Variants in TG observed in about 807,000 individuals in gnomAD.
The protein encoded by TG is thyroglobulin.
TG carries 270 observed loss-of-function variants against 324.7 expected under a neutral mutation model. The observed-to-expected ratio is 0.83, with a 90% confidence interval of 0.75 to 0.92. The LOEUF (loss-of-function observed/expected upper bound fraction) is 0.92, where lower values mean the gene tolerates loss of function less well. Among genes scored for constraint, TG ranks in the 40% least tolerant of loss-of-function variants. The probability of loss-of-function intolerance (pLI) is 0.00; values close to 1 mark genes in which losing one functional copy is unlikely to be tolerated. For missense variants in TG, 3,591 were observed against 3,456.4 expected (o/e 1.04, Z -0.98); for synonymous variants, 1,401 against 1,327.0 (o/e 1.06, Z -1.21).
intron 44 of TG, 113 bp downstream of exon 44, chr8:133,113,716 T>C (rs945961686): frequency 2.5e-6 from 3 of 1,208,286 alleles, no homozygotes; most frequent in Non-Finnish European, 3.5e-6. Context: ...TGCTTGAGGT[T>C]TCCTCTGCAT....
In TG at chr8:132,913,107, C is replaced by A; in HGVS notation, c.4220C>A (p.Ser1407Ter). Residue 1407 changes from serine to a stop codon, truncating the protein, a stop_gained, in exon 20 of 48, where the codon TCA becomes TAA. Coordinates refer to ENST00000220616, the MANE Select transcript of TG (RefSeq NM_003235.5). LOFTEE classifies it high-confidence loss of function. ...TTCACAGATCTGATCCAGAGTGGCT[C>A]ATTCCAGCTTCATCTGGACTCCAAG... ...GRFTDLIQSG[S>*]FQLHLDSKTF... 6.2e-7 allele frequency: 1 copy of A among 1,614,234 alleles called. No individual in the cohort carries two copies. Among genetic ancestry groups the A allele is most frequent in the South Asian group, 1.1e-5 (1 of 91,088 alleles).
At chr8:132,874,506 G>T (rs547168722) in intron 5 of TG, among the ~76,000 whole-genome samples, 1 of 152,164 alleles carries the variant, frequency 6.6e-6, no homozygotes, top group African/African-American at 2.4e-5. Context: ...AGACTGATAT[G>T]AATTCTCTTG....
At position 132,882,957 on chromosome 8, in the gene TG, G is replaced by A. The variant is rs1049761427; in HGVS notation, c.1033G>A (p.Glu345Lys). The change falls in exon 8 of 48, where the codon GAA becomes AAA. Residue 345 changes from glutamate (E) to lysine (K), a missense_variant. Coordinates refer to ENST00000220616, the MANE Select transcript of TG (RefSeq NM_003235.5). ...PCWCVDAQGK[E>K]MHGTRQQGEP... The stretch of plus-strand genomic sequence containing the variant: ...CTGGTGTGTGGACGCCCAGGGGAAG[G>A]AAATGCATGGAACCCGGCAGCAAGG... 1 of 1,614,122 alleles carries A rather than the reference G, an allele frequency of 6.2e-7. No homozygotes were observed. The highest frequency in any genetic ancestry group is 1.3e-5 in the African/African-American group (1 of 75,048).
chr8:132,973,648 A>G (rs1398848614), intron 34 of TG, among the ~76,000 whole-genome samples: 1 of 152,210 alleles, frequency 6.6e-6, no homozygotes, highest in Non-Finnish European at 1.5e-5. Flanking sequence ...CACCGCTTAC[A>G]TCACATGTGT....
intron 13 of TG, among the ~76,000 whole-genome samples, chr8:132,898,500 C>T (rs1479646559): frequency 2.0e-5 from 3 of 152,200 alleles, no homozygotes; most frequent in African/African-American, 4.8e-5. Context: ...TGGTTCTCCC[C>T]CTCTGTACAT....
chr8:132,998,137 T>A (rs909090967), intron 35 of TG, among the ~76,000 whole-genome samples: 3 of 152,052 alleles, frequency 2.0e-5, no homozygotes, highest in Non-Finnish European at 4.4e-5. Context: ...TGACTTCCAA[T>A]GGACACCCTT....
intron 41 of TG, among the ~76,000 whole-genome samples, chr8:133,072,562 T>C (rs1005387598): frequency 1.3e-5 from 2 of 152,212 alleles, no homozygotes; most frequent in Non-Finnish European, 1.5e-5. Flanking sequence ...GAAGTTTTGA[T>C]GGGAACTTTA....
At chr8:133,111,576 C>A (rs1018696165) in intron 43 of TG, among the ~76,000 whole-genome samples, 4 of 152,096 alleles carry the variant, frequency 2.6e-5, no homozygotes, top group Admixed American at 2.6e-4. Context: ...ATTTTTTGAA[C>A]AGACTAGACT....
intron 41 of TG, among the ~76,000 whole-genome samples, chr8:133,035,742 T>A (rs543511911): frequency 3.9e-5 from 6 of 152,202 alleles, no homozygotes; most frequent in Non-Finnish European, 8.8e-5. Flanking sequence ...GCACCACAGG[T>A]TTTCCTTTTG....
chr8:133,112,420 C>T (rs1349369807), intron 43 of TG, among the ~76,000 whole-genome samples: 1 of 152,168 alleles, frequency 6.6e-6, no homozygotes, highest in African/African-American at 2.4e-5. Flanking sequence ...TGCCCATTGT[C>T]TTCAGAAAGG....
intron 11 of TG, 40 bp from the exon 12 acceptor site, chr8:132,897,609 C>A: frequency 6.2e-7 from 1 of 1,613,620 alleles, no homozygotes; most frequent in Non-Finnish European, 8.5e-7. Context: ...CCACACAGAG[C>A]AGGTGGTCAT....
At chr8:132,996,792 G>A (rs1237704151) in intron 35 of TG, among the ~76,000 whole-genome samples, 5 of 152,262 alleles carry the variant, frequency 3.3e-5, no homozygotes, top group Admixed American at 2.0e-4. Context: ...TTTAAGGGAT[G>A]ATATGAATTT....
chr8:132,994,057 A>G lies in TG; in HGVS notation c.6262+10645A>G, dbSNP rs376172109. ...CTTTCTCTATAATTCCCCTCTGCCC[A>G]CTCTGGGTAACTCCTGACTACATGC... On this transcript the variant is annotated intron_variant, in intron 35 of 47. Coordinates refer to ENST00000220616, the MANE Select transcript of TG (RefSeq NM_003235.5). Among the ~76,000 whole-genome samples, 4 of 151,668 alleles carry G rather than the reference A, an allele frequency of 2.6e-5. 1 individual carries two copies. The highest frequency in any genetic ancestry group is 9.7e-5 in the African/African-American group (4 of 41,320).
intron 40 of TG, among the ~76,000 whole-genome samples, chr8:133,024,396 CT>C (rs1185137057): frequency 1.4e-5 from 1 of 68,970 alleles, no homozygotes. Flanking sequence ...CTTTCTTTTT[CT>C]TTTTTTAATT....
rs140586380 is a variant in TG, at chr8:133,035,081, G to A, written c.7239+5058G>A. The stretch of plus-strand genomic sequence containing the variant: ...TATTGTTATCTTCTACCTTCTTCCC[G>A]TTTCCTTGGTTATCTATTGTTCCTT... On this transcript the variant is annotated intron_variant, in intron 41 of 47. Transcript: ENST00000220616. Among the ~76,000 whole-genome samples, 564 of 152,134 alleles carry A rather than the reference G, an allele frequency of 3.7e-3. 4 individuals are homozygous for A. Among genetic ancestry groups the A allele is most frequent in the African/African-American group, 0.012 (515 of 41,494 alleles).
chr8:132,888,216 A>C lies in TG; in HGVS notation c.2409A>C (p.Leu803=). 1 of 1,614,228 alleles carries C rather than the reference A, an allele frequency of 6.2e-7. No individual in the cohort carries two copies. Among genetic ancestry groups the C allele is most frequent in the Non-Finnish European group, 8.5e-7 (1 of 1,180,040 alleles). Residue 803 remains leucine, a synonymous_variant, in exon 10 of 48, where the codon CTA becomes CTC. Transcript: ENST00000220616. The part of the protein sequence containing the change: ...KGQDLTPAKL[L]VKIMSYREAA... ...AGGATCTGACGCCTGCCAAGCTGCT[A>C]GTGAAGATCATGAGCTACAGAGAAG...
At chr8:133,032,445 A>G (rs1231125721) in intron 41 of TG, among the ~76,000 whole-genome samples, 2 of 152,224 alleles carry the variant, frequency 1.3e-5, no homozygotes, top group Non-Finnish European at 2.9e-5. Context: ...TGGGCTCAGA[A>G]AGCAGATTTT....
chr8:132,868,492 C>A (rs1839179771), intron 2 of TG, among the ~76,000 whole-genome samples: 1 of 152,198 alleles, frequency 6.6e-6, no homozygotes, highest in South Asian at 2.1e-4. Context: ...TCTCTTCTTG[C>A]CATCACTTTT....
chr8:132,893,845 C>G lies in TG; in HGVS notation c.2917C>G (p.Pro973Ala), dbSNP rs1247066902. ...GCTGAGGAATGAGGACCTCGGCCTTCCTCCGCTCTTCCCGCCCCGGGAGGC... is the reference window on the plus strand; with the variant it reads ...GCTGAGGAATGAGGACCTCGGCCTTGCTCCGCTCTTCCCGCCCCGGGAGGC... ...IRLRNEDLGL[P>A]PLFPPREAFA... Residue 973 changes from proline to alanine, a missense_variant, in exon 11 of 48, where the codon CCT becomes GCT. Pro to Ala is a conservative substitution (Grantham distance 27, BLOSUM62 -1). Transcript: ENST00000220616. The G allele has an allele frequency of 1.2e-6, 2 of 1,614,008 alleles. No homozygotes were observed. Among genetic ancestry groups the G allele is most frequent in the Non-Finnish European group, 8.5e-7 (1 of 1,179,946 alleles).
Sources: allele counts gnomAD v4.1 joint callset (sites outside exome capture counted in the v4.1 genomes callset), GRCh38; gene constraint gnomAD v4.1.1; transcripts MANE v1.5; gene names NCBI Gene and HGNC (gene_info 2026-07-23, HGNC 2026-07-21).